BLK: variants seen among roughly 807,000 people sequenced by gnomAD.
BLK encodes the protein BLK proto-oncogene, Src family tyrosine kinase.
BLK carries 64 observed loss-of-function variants against 61.8 expected under a neutral mutation model. The observed-to-expected ratio is 1.03, with a 90% CI of 0.85 to 1.27. The LOEUF is 1.27. Among genes scored for constraint, BLK ranks in the 50% most tolerant of loss-of-function variants. The pLI, the probability that BLK is intolerant of heterozygous loss-of-function variation, is 0.00. For synonymous variants in BLK, 351 were observed against 272.0 expected, an observed-to-expected ratio of 1.29 and a Z score of -2.86; for missense variants, 853 against 660.5, an observed-to-expected ratio of 1.29 and a Z score of -3.19.
chr8:11,552,496 A>G (rs958617066), intron 6 of BLK: 4 of 152,204 alleles, frequency 2.6e-5, no homozygotes, highest in South Asian at 2.1e-4. Context: ...TGGAGATGAC[A>G]TAAGTGTTTT....
intron 8 of BLK, 93 bp downstream of exon 8, chr8:11,555,577 C>T (rs976751392): frequency 1.3e-6 from 2 of 1,571,908 alleles, no homozygotes; most frequent in Non-Finnish European, 1.7e-6. Flanking sequence ...CGTGTCATCC[C>T]TCCCCCAGAA....
intron 1 of BLK, among the ~76,000 whole-genome samples, chr8:11,538,134 G>A (rs762508939): frequency 6.6e-6 from 1 of 152,156 alleles, no homozygotes; most frequent in South Asian, 2.1e-4. Context: ...GTATTCACAC[G>A]CATGCTCTCG....
chr8:11,543,439 C>T, intron 2 of BLK, 92 bp downstream of exon 2: 2 of 1,533,654 alleles, frequency 1.3e-6, no homozygotes, highest in South Asian at 2.4e-5. Context: ...GCAAAAGTGC[C>T]TTCCTGATAG....
At chr8:11,512,366 G>A (rs1460278508) in intron 1 of BLK, among the ~76,000 whole-genome samples, 5 of 152,148 alleles carry the variant, frequency 3.3e-5, no homozygotes, top group Admixed American at 6.5e-5. Flanking sequence ...TTATAAGCAC[G>A]TAAAATTCCT....
intron 2 of BLK, chr8:11,545,669 T>G (rs373109998): frequency 1.3e-5 from 4 of 312,726 alleles, no homozygotes; most frequent in East Asian, 7.1e-5. Context: ...CAAATATGTT[T>G]GTCGAGTTTT....
At chr8:11,523,919 AC>A (rs1799550282) in intron 1 of BLK, among the ~76,000 whole-genome samples, 1 of 152,104 alleles carries the variant, frequency 6.6e-6, no homozygotes, top group African/African-American at 2.4e-5. Context: ...GAGAATGTAA[AC>A]CAGTCTTACC....
intron 3 of BLK, among the ~76,000 whole-genome samples, chr8:11,547,506 C>T (rs1052813101): frequency 2.0e-5 from 3 of 152,214 alleles, no homozygotes; most frequent in Non-Finnish European, 4.4e-5. Context: ...GGGGGCCCGG[C>T]AGGGTCACTG....
chr8:11,508,836 C>T (rs1798882108), intron 1 of BLK, among the ~76,000 whole-genome samples: 1 of 152,190 alleles, frequency 6.6e-6, no homozygotes, highest in East Asian at 1.9e-4. Context: ...GAGCAACTGA[C>T]ATTTGCAGAG....
chr8:11,544,595 T>C (rs1800538292), intron 2 of BLK, among the ~76,000 whole-genome samples: 1 of 152,216 alleles, frequency 6.6e-6, no homozygotes, highest in Non-Finnish European at 1.5e-5. Context: ...CAAAATTATA[T>C]GATAATAAGT....
At chr8:11,530,905 C>G (rs918857683) in intron 1 of BLK, among the ~76,000 whole-genome samples, 6 of 152,216 alleles carry the variant, frequency 3.9e-5, no homozygotes, top group African/African-American at 1.4e-4. Flanking sequence ...ATCTGGGTCA[C>G]AGGTTAAGAA....
intron 10 of BLK, chr8:11,560,275 A>C (rs1473934204): frequency 5.1e-6 from 1 of 197,634 alleles, no homozygotes; most frequent in African/African-American, 2.6e-5. Flanking sequence ...GGGTGGATGG[A>C]TGGATGGATC....
chr8:11,541,561 G>A (rs1427685476), intron 1 of BLK, among the ~76,000 whole-genome samples: 1 of 150,626 alleles, frequency 6.6e-6, no homozygotes, highest in Non-Finnish European at 1.5e-5. Context: ...GCAATGGCAT[G>A]ATCTTGGCTC....
chr8:11,546,233 G>C, intron 3 of BLK, 130 bp downstream of exon 3: 1 of 1,131,306 alleles, frequency 8.8e-7, no homozygotes. Context: ...GAAGCTGAGA[G>C]AGGCCCCGGC....
chr8:11,527,383 T>C (rs1354889847), intron 1 of BLK, among the ~76,000 whole-genome samples: 1 of 152,162 alleles, frequency 6.6e-6, no homozygotes, highest in African/African-American at 2.4e-5. Flanking sequence ...TAAGTTTCCT[T>C]TAGCCCTTTC....
intron 2 of BLK, 64 bp from the exon 3 acceptor site, chr8:11,545,988 A>T (rs1800616772): frequency 2.6e-6 from 4 of 1,567,216 alleles, no homozygotes; most frequent in Non-Finnish European, 3.5e-6. Flanking sequence ...CAGCAGTCTC[A>T]ACCCCCAGGC....
intron 1 of BLK, among the ~76,000 whole-genome samples, chr8:11,539,388 T>C (rs1171665495): frequency 6.6e-6 from 1 of 152,160 alleles, no homozygotes; most frequent in Non-Finnish European, 1.5e-5. Flanking sequence ...AGAGTGTAGA[T>C]TTATTCAACA....
rs74618695 is a variant in BLK at position 11,544,178 on chromosome 8, T to C, written c.123+831T>C. ...CAGAGTTTCACCATGTTGGCTAGAT[T>C]GGTCTTGAACTCCTGACCTCAGGTG... On this transcript the variant is annotated intron_variant, in intron 2 of 12. Coordinates refer to ENST00000259089, the MANE Select transcript of BLK (RefSeq NM_001715.3). Among the ~76,000 whole-genome samples the C allele has an allele frequency of 9.4e-3, 1,432 of 152,308 alleles. 16 individuals carry two copies. The highest frequency in any genetic ancestry group is 0.032 in the African/African-American group (1,344 of 41,558).
intron 1 of BLK, among the ~76,000 whole-genome samples, chr8:11,511,703 G>A (rs534848482): frequency 1.3e-5 from 2 of 152,214 alleles, no homozygotes; most frequent in African/African-American, 4.8e-5. Flanking sequence ...CCTGAAATAC[G>A]GCAAACAGTC....
At chr8:11,533,015 A>G (rs1799952672) in intron 1 of BLK, among the ~76,000 whole-genome samples, 1 of 152,256 alleles carries the variant, frequency 6.6e-6, no homozygotes, top group African/African-American at 2.4e-5. Context: ...TCAGGGCTAC[A>G]TATAATACAT....
Sources: gnomAD v4.1 joint callset for allele counts (sites outside exome capture counted in the v4.1 genomes callset) on GRCh38, gnomAD v4.1.1 for gene constraint, MANE v1.5 for transcripts, NCBI Gene and HGNC (gene_info 2026-07-23, HGNC 2026-07-21) for gene names.